The following RBFOX1 variants were observed in gnomAD, a reference collection of about 807,000 sequenced individuals.
The protein encoded by RBFOX1 is RNA binding fox-1 homolog 1.
RBFOX1 carries 8 observed loss-of-function variants against 57.7 expected under a neutral mutation model. The observed-to-expected ratio is 0.14, with a 90% confidence interval of 0.08 to 0.25. RBFOX1 has a LOEUF of 0.25. RBFOX1 is among the 10% of genes least tolerant of loss of function. The probability of loss-of-function intolerance (pLI) is 1.00; values close to 1 mark genes in which losing one functional copy is unlikely to be tolerated. For synonymous variants in RBFOX1, 326 were observed against 222.4 expected, an observed-to-expected ratio of 1.47 and a Z score of -4.15; for missense variants, 611 against 548.5, an observed-to-expected ratio of 1.11 and a Z score of -1.14.
chr16:5,732,746 T>C (rs2052426012), intron 3 of RBFOX1, among the ~76,000 whole-genome samples: 3 of 152,160 alleles, frequency 2.0e-5, no homozygotes, highest in Non-Finnish European at 4.4e-5. Flanking sequence ...CACTTAAGTG[T>C]GAGATTCTCC....
chr16:5,705,678 G>A (rs1053449120), intron 3 of RBFOX1, among the ~76,000 whole-genome samples: 2 of 152,196 alleles, frequency 1.3e-5, no homozygotes, highest in Non-Finnish European at 2.9e-5. Flanking sequence ...AAAGAGATGA[G>A]ACCTGACTCA....
intron 2 of RBFOX1, among the ~76,000 whole-genome samples, chr16:6,376,636 C>A (rs1406569596): frequency 6.6e-6 from 1 of 152,140 alleles, no homozygotes; most frequent in Admixed American, 6.6e-5. Flanking sequence ...GTTTGTGAAA[C>A]CAGCAGTCCT....
chr16:5,626,033 C>A (rs958723595), intron 3 of RBFOX1, among the ~76,000 whole-genome samples: 2 of 152,168 alleles, frequency 1.3e-5, no homozygotes, highest in East Asian at 1.9e-4. Context: ...TGTGCCACCA[C>A]GCCTGGCTAA....
intron 3 of RBFOX1, among the ~76,000 whole-genome samples, chr16:5,665,051 T>G (rs560472596): frequency 6.6e-4 from 100 of 151,164 alleles, no homozygotes; most frequent in African/African-American, 2.3e-3. Context: ...GCTCAAATGA[T>G]TTTCTCGTCC....
intron 3 of RBFOX1, among the ~76,000 whole-genome samples, chr16:6,949,632 A>G (rs1300866639): frequency 2.6e-5 from 4 of 152,056 alleles, no homozygotes; most frequent in Non-Finnish European, 4.4e-5. Context: ...TTTTCTAAAA[A>G]TGGCAGTCAA....
intron 4 of RBFOX1, among the ~76,000 whole-genome samples, chr16:7,263,975 C>G (rs1180469116): frequency 1.4e-5 from 2 of 145,746 alleles, no homozygotes; most frequent in African/African-American, 2.5e-5. Context: ...AAAGGAGAAA[C>G]AAAACACAGA....
chr16:6,586,552 C>G (rs986149563), intron 2 of RBFOX1, among the ~76,000 whole-genome samples: 3 of 152,100 alleles, frequency 2.0e-5, no homozygotes, highest in Non-Finnish European at 4.4e-5. Flanking sequence ...GTATATATAG[C>G]TGGTTTGGGG....
chr16:7,679,854 C>T (rs1163430516), intron 14 of RBFOX1, among the ~76,000 whole-genome samples: 1 of 152,000 alleles, frequency 6.6e-6, no homozygotes, highest in Non-Finnish European at 1.5e-5. Flanking sequence ...AAGAAAAATA[C>T]CTGACTGGAC....
At chr16:6,766,780 C>T (rs1307548990) in intron 3 of RBFOX1, among the ~76,000 whole-genome samples, 1 of 152,082 alleles carries the variant, frequency 6.6e-6, no homozygotes, top group Non-Finnish European at 1.5e-5. Flanking sequence ...TGATGGTCTT[C>T]ATATGGGCTT....
chr16:6,205,863 C>CTG (rs1555550462), intron 1 of RBFOX1, among the ~76,000 whole-genome samples: 1 of 97,928 alleles, frequency 1.0e-5, no homozygotes, highest in African/African-American at 4.3e-5. Context: ...CGAGATCATA[C>CTG]TTTTTTTTTT....
At chr16:5,850,145 G>A (rs2056857139) in intron 3 of RBFOX1, among the ~76,000 whole-genome samples, 1 of 152,170 alleles carries the variant, frequency 6.6e-6, no homozygotes, top group Non-Finnish European at 1.5e-5. Flanking sequence ...AAGAGGGAAA[G>A]GAACTTCCAA....
In RBFOX1 at chr16:6,167,691, T is replaced by A. The variant is rs189755573; in HGVS notation, c.-127+147699T>A. Among the ~76,000 whole-genome samples the A allele has an allele frequency of 3.3e-5, 5 of 152,240 alleles. No individual in the cohort carries two copies. In the East Asian group the frequency reaches 9.7e-4, roughly 29 times the overall value. ...ATGCAATGTCCAACCAACCTTTTAG[T>A]TCTTAATGGAACTCTTGTCAGCAAT... On this transcript the variant is annotated intron_variant, in intron 1 of 15. Transcript: ENST00000550418.
At chr16:7,658,214 TGTG>T (rs2066806147) in intron 12 of RBFOX1, among the ~76,000 whole-genome samples, 1 of 152,136 alleles carries the variant, frequency 6.6e-6, no homozygotes, top group African/African-American at 2.4e-5. Context: ...CCCTTTTGCT[TGTG>T]GTTGAGTACA....
chr16:7,257,661 A>G (rs2094748992), intron 4 of RBFOX1, among the ~76,000 whole-genome samples: 1 of 152,016 alleles, frequency 6.6e-6, no homozygotes, highest in Admixed American at 6.6e-5. Flanking sequence ...CCTCCTCTGT[A>G]GCCATCCTTG....
intron 4 of RBFOX1, among the ~76,000 whole-genome samples, chr16:7,080,029 T>C (rs1486793754): frequency 1.8e-5 from 2 of 111,740 alleles, no homozygotes; most frequent in Non-Finnish European, 3.9e-5. Context: ...TATACGTATA[T>C]ATGTATATAG....
At chr16:7,336,277 G>C (rs563768055) in intron 4 of RBFOX1, among the ~76,000 whole-genome samples, 1 of 152,192 alleles carries the variant, frequency 6.6e-6, no homozygotes, top group Non-Finnish European at 1.5e-5. Context: ...GTTAGTGTTT[G>C]GGTCTAATGT....
intron 3 of RBFOX1, among the ~76,000 whole-genome samples, chr16:5,608,120 A>T (rs2047652078): frequency 6.6e-6 from 1 of 152,208 alleles, no homozygotes; most frequent in African/African-American, 2.4e-5. Flanking sequence ...TCCAGTGCTC[A>T]TTCCCACCAG....
At chr16:6,474,457 C>T (rs1000695651) in intron 2 of RBFOX1, among the ~76,000 whole-genome samples, 2 of 152,160 alleles carry the variant, frequency 1.3e-5, no homozygotes, top group Non-Finnish European at 1.5e-5. Context: ...AGCTGTTGTT[C>T]AGGTAATTTA....
chr16:7,323,359 G>A (rs1389968032), intron 4 of RBFOX1, among the ~76,000 whole-genome samples: 1 of 152,190 alleles, frequency 6.6e-6, no homozygotes, highest in East Asian at 1.9e-4. Context: ...AGGAGTCGGA[G>A]GCTGCAGTGA....
Sources: allele counts gnomAD v4.1 joint callset (sites outside exome capture counted in the v4.1 genomes callset), GRCh38; gene constraint gnomAD v4.1.1; transcripts MANE v1.5; gene names NCBI Gene and HGNC (gene_info 2026-07-23, HGNC 2026-07-21).